DNAH10: variants seen among roughly 807,000 people sequenced by gnomAD.
The protein encoded by DNAH10 is dynein axonemal heavy chain 10.
A neutral mutation model predicts 506.6 loss-of-function variants in DNAH10; 348 were observed. The ratio of observed to expected loss-of-function variants is 0.69; its 90% CI spans 0.63 to 0.75. DNAH10 has a LOEUF of 0.75. DNAH10 is among the 30% of genes least tolerant of loss of function. The pLI is 0.00. For synonymous variants in DNAH10, 2,059 were observed against 2,198.6 expected (o/e 0.94, Z 1.78); for missense variants, 5,179 against 5,787.1 (o/e 0.89, Z 3.41).
chr12:123,915,540 C>T (rs1244472860), intron 62 of DNAH10, among the ~76,000 whole-genome samples: 1 of 139,718 alleles, frequency 7.2e-6, no homozygotes, highest in Non-Finnish European at 1.5e-5. Context: ...TTTCTCCCTC[C>T]CCGAGCCCCT....
intron 35 of DNAH10, among the ~76,000 whole-genome samples, chr12:123,851,715 T>C (rs1951184297): frequency 6.6e-6 from 1 of 152,224 alleles, no homozygotes; most frequent in Non-Finnish European, 1.5e-5. Flanking sequence ...TCTATGACGT[T>C]TTATCACATG....
intron 24 of DNAH10, among the ~76,000 whole-genome samples, chr12:123,826,236 A>T (rs900597385): frequency 6.6e-6 from 1 of 152,172 alleles, no homozygotes; most frequent in African/African-American, 2.4e-5. Flanking sequence ...CTTAGCCTCA[A>T]CCTGATGGTT....
intron 15 of DNAH10, among the ~76,000 whole-genome samples, chr12:123,800,907 C>T (rs1316932859): frequency 6.6e-6 from 1 of 151,898 alleles, no homozygotes; most frequent in East Asian, 1.9e-4. Context: ...GTCTCAGCTA[C>T]TTGGGAGGCT....
In DNAH10 at chr12:123,853,882, ACG is replaced by A. The variant is rs199916311; in HGVS notation, c.6438+534_6438+535del. Reference sequence around the variant, plus strand: ...CGCGCACACACACACGGATACATGCACGCGCACACACGTACGCACGCACATGT... The same window carrying A: ...CGCGCACACACACACGGATACATGCACGCACACACGTACGCACGCACATGT... On this transcript the variant is annotated intron_variant, in intron 36 of 78. Coordinates refer to ENST00000673944, the MANE Select transcript of DNAH10 (RefSeq NM_001372106.1). The surrounding 1 kb of genome is among the most constrained non-coding windows in gnomAD (Gnocchi z 4.7). 1.3e-4 allele frequency among the ~76,000 whole-genome samples: 20 copies of A among 149,434 alleles called. No individual in the cohort carries two copies. The highest frequency in any genetic ancestry group is 4.9e-4 in the African/African-American group (20 of 40,592).
At chr12:123,881,592 G>C (rs1039927943) in intron 50 of DNAH10, 33 bp from the exon 51 acceptor site, 8 of 1,500,724 alleles carry the variant, frequency 5.3e-6, no homozygotes, top group Admixed American at 2.5e-5. Flanking sequence ...CACCATGCTG[G>C]GTTTTGAATT....
Position 123,910,600 on chromosome 12 carries a change from G to A in DNAH10, c.10062G>A (p.Gly3354=), listed in dbSNP as rs772534493. 1.2e-6 allele frequency: 2 copies of A among 1,613,744 alleles called. No individual in the cohort carries two copies. The highest frequency in any genetic ancestry group is 2.2e-5 in the South Asian group (2 of 91,080). ...EMEAVSKAGL[G]MLKFVEAVMG... is the part of the protein sequence containing the mutation. The stretch of plus-strand genomic sequence containing the variant: ...AAGCTGTCAGCAAAGCCGGGCTGGG[G>A]ATGCTGAAATTTGTTGAAGCTGTAA... Residue 3354 remains glycine, a synonymous_variant, in exon 59 of 79, where the codon GGG becomes GGA. Coordinates refer to ENST00000673944, the MANE Select transcript of DNAH10 (RefSeq NM_001372106.1).
At chr12:123,861,312 C>CGGAAGTGCGCAGTCCAATCTTAGTGCTTT (rs1951602893) in intron 39 of DNAH10, 142 bp downstream of exon 39, 9 of 1,079,454 alleles carry the variant, frequency 8.3e-6, no homozygotes, top group Non-Finnish European at 1.2e-5. Context: ...GGCTGTGCTT[C>CGGAAGTGCGCAGTCCAATCTTAGTGCTTT]GGAAGTGCGC....
At chr12:123,852,576 CTT>C (rs10713531) in intron 35 of DNAH10, among the ~76,000 whole-genome samples, 12 of 142,032 alleles carry the variant, frequency 8.4e-5, no homozygotes, top group East Asian at 2.0e-4. Flanking sequence ...CATTTACAGC[CTT>C]TTTTTTTTTT....
chr12:123,847,817 G>A (rs560952335), intron 32 of DNAH10, 144 bp from the exon 33 acceptor site: 8 of 1,104,824 alleles, frequency 7.2e-6, no homozygotes, highest in Non-Finnish European at 1.0e-5. Flanking sequence ...TGGGCATCCT[G>A]TGGCCCAGTC....
chr12:123,763,869 C>CTT lies in DNAH10; in HGVS notation c.214+1332_214+1333dup, dbSNP rs59694804. On this transcript the variant is annotated intron_variant, in intron 1 of 78. Transcript: ENST00000673944. ...TTAGCCATCTGGCACCTGGCCACTT[C>CTT]TTTTTTTTTTTTTTGAGACAGAGTC... 6.9e-3 allele frequency among the ~76,000 whole-genome samples: 831 copies of CTT among 121,278 alleles called. 13 individuals are homozygous for CTT. The highest frequency in any genetic ancestry group is 0.024 in the African/African-American group (784 of 33,160). The allele number at this position is 121,278 out of a possible 152,430, so 79.6% of individuals were successfully genotyped here.
chr12:123,820,641 A>T lies in DNAH10; in HGVS notation c.4062A>T (p.Glu1354Asp). Residue 1354 changes from glutamate (E) to aspartate (D), a missense_variant, in exon 24 of 79, where the codon GAA becomes GAT. Around this residue, in one of 3 missense-constraint regions of DNAH10, gnomAD observed 4,844 missense variants for 5,430.5 expected, o/e 0.89. Coordinates refer to ENST00000673944, the MANE Select transcript of DNAH10 (RefSeq NM_001372106.1). ...ELARHEKSRQ[E>D]LANAEKLFDL... ...CAAGACATGAAAAGAGCCGTCAGGA[A>T]CTGGCTAACGCTGAGAAACTTTTCG... 3.1e-6 allele frequency: 5 copies of T among 1,614,046 alleles called. No individual in the cohort carries two copies. The highest frequency in any genetic ancestry group is 1.3e-5 in the African/African-American group (1 of 75,058).
At chr12:123,899,156 C>T (rs1185610992) in intron 56 of DNAH10, among the ~76,000 whole-genome samples, 1 of 152,128 alleles carries the variant, frequency 6.6e-6, no homozygotes, top group Non-Finnish European at 1.5e-5. Flanking sequence ...ATGACCTAAG[C>T]CTTGGCACCA....
At chr12:123,934,486 C>G in intron 77 of DNAH10, 135 bp from the exon 78 acceptor site, 1 of 1,076,054 alleles carries the variant, frequency 9.3e-7, no homozygotes, top group Non-Finnish European at 1.4e-6. Flanking sequence ...TGGAGAAGGG[C>G]CTGGGCTGTC....
At chr12:123,799,031 G>C (rs1958382683) in intron 13 of DNAH10, among the ~76,000 whole-genome samples, 1 of 148,520 alleles carries the variant, frequency 6.7e-6, no homozygotes, top group African/African-American at 2.5e-5. Context: ...CTTGAGCCCG[G>C]GAGGCGAAGG....
chr12:123,932,380 C>T (rs1474148415), intron 76 of DNAH10, among the ~76,000 whole-genome samples: 1 of 152,048 alleles, frequency 6.6e-6, no homozygotes, highest in Non-Finnish European at 1.5e-5. Flanking sequence ...ACAGCTAGCT[C>T]GTTCTTTTTT....
intron 35 of DNAH10, among the ~76,000 whole-genome samples, chr12:123,852,698 CA>C (rs1460609811): frequency 6.6e-6 from 1 of 152,112 alleles, no homozygotes; most frequent in Non-Finnish European, 1.5e-5. Flanking sequence ...CTCAGCCTCC[CA>C]AGTAGCTGGG....
chr12:123,847,555 G>A (rs1246638084), intron 32 of DNAH10, among the ~76,000 whole-genome samples: 1 of 152,126 alleles, frequency 6.6e-6, no homozygotes, highest in Non-Finnish European at 1.5e-5. Context: ...TAGAAGCCCA[G>A]TGCCCTGGCT....
At position 123,913,113 on chromosome 12, in the gene DNAH10, C is replaced by T. The variant is rs749014213; in HGVS notation, c.10150C>T (p.Arg3384Trp). The T allele has an allele frequency of 8.1e-6, 13 of 1,610,204 alleles. No individual in the cohort carries two copies. The highest frequency in any genetic ancestry group is 7.8e-5 in the South Asian group (7 of 90,198). The change falls in exon 60 of 79, where the codon CGG (arginine) becomes TGG (tryptophan). Residue 3384 changes from arginine (R) to tryptophan (W), a missense_variant. Arg to Trp is a moderately radical substitution (Grantham distance 101). Around this residue, in one of 3 missense-constraint regions of DNAH10, gnomAD observed 4,844 missense variants for 5,430.5 expected, o/e 0.89. Coordinates refer to ENST00000673944, the MANE Select transcript of DNAH10 (RefSeq NM_001372106.1). The surrounding 1 kb of genome is among the most constrained non-coding windows in gnomAD (Gnocchi z 5.1). ...CTTCACTTAGGTGGCCAGGCTGGAG[C>T]GGAATTTTTACCTCACTAAACGGGA... ...PKREKVARLE[R>W]NFYLTKRELE...
At chr12:123,875,164 G>T in intron 46 of DNAH10, 67 bp from the exon 47 acceptor site, 2 of 1,523,170 alleles carry the variant, frequency 1.3e-6, no homozygotes, top group Non-Finnish European at 1.8e-6. Flanking sequence ...GGGATGGTCA[G>T]CCAACGCCTC....
Sources: gnomAD v4.1 joint callset for allele counts (sites outside exome capture counted in the v4.1 genomes callset) on GRCh38, gnomAD v4.1.1 for gene constraint, gnomAD v4.1.1 regional missense constraint, Gnocchi (gnomAD v3.1) non-coding constraint, MANE v1.5 for transcripts, NCBI Gene and HGNC (gene_info 2026-07-23, HGNC 2026-07-21) for gene names.